The following LRRC69 variants were observed in gnomAD, a reference collection of about 807,000 sequenced individuals.
LRRC69 encodes the protein leucine-rich repeat-containing protein 69.
A neutral mutation model predicts 37.8 loss-of-function variants in LRRC69; 42 were observed. That is an observed-to-expected ratio of 1.11 (90% CI 0.87 to 1.44). The LOEUF is 1.44. Among genes scored for constraint, LRRC69 ranks in the 40% most tolerant of loss-of-function variants. The probability of loss-of-function intolerance (pLI) is 0.00; values close to 1 mark genes in which losing one functional copy is unlikely to be tolerated. For synonymous variants in LRRC69, 141 were observed against 143.1 expected (o/e 0.99, Z 0.11); for missense variants, 357 against 401.9 (o/e 0.89, Z 0.96).
chr8:91,155,870 TATATATATATACACAAC>T (rs1236563384), intron 5 of LRRC69, among the ~76,000 whole-genome samples: 1 of 132,966 alleles, frequency 7.5e-6, no homozygotes, highest in African/African-American at 2.6e-5. Context: ...TGTGTGTGTA[TATATATATATACACAAC>T]ATATATATAT....
At chr8:91,161,300 G>T (rs540573979) in intron 5 of LRRC69, among the ~76,000 whole-genome samples, 403 of 151,446 alleles carry the variant, frequency 2.7e-3, no homozygotes, top group African/African-American at 9.2e-3. Flanking sequence ...TAAGGGAAAT[G>T]CTGGCCTTGA....
chr8:91,146,536 C>A (rs1012152393), intron 5 of LRRC69, among the ~76,000 whole-genome samples: 3 of 151,418 alleles, frequency 2.0e-5, no homozygotes, highest in African/African-American at 7.3e-5. Flanking sequence ...TAGATGATTT[C>A]TCTCTCCCTT....
chr8:91,105,182 T>C (rs1354902467), intron 1 of LRRC69, among the ~76,000 whole-genome samples: 2 of 151,940 alleles, frequency 1.3e-5, no homozygotes, highest in African/African-American at 4.8e-5. Context: ...AGGCCAATGG[T>C]ATTATGTTTA....
At position 91,110,508 on chromosome 8, in the gene LRRC69, G is replaced by T. The variant is rs562035349; in HGVS notation, c.183+7664G>T. Among the ~76,000 whole-genome samples, 10 of 151,986 alleles carry T rather than the reference G, an allele frequency of 6.6e-5. No homozygotes were observed. In the South Asian group the frequency reaches 2.1e-3, roughly 32 times the overall value. On this transcript the variant is annotated intron_variant, in intron 1 of 7. Transcript: ENST00000448384. ...TACAAAATTAGCTGGGTGTGGTGAT[G>T]CATAACTGTAATCCCAGCTACTTGG... is the stretch of plus-strand genomic sequence containing the variant.
At chr8:91,158,792 C>T in intron 5 of LRRC69, 1 of 763,768 alleles carries the variant, frequency 1.3e-6, no homozygotes, top group Admixed American at 1.8e-5. Context: ...AAGAGAAAAA[C>T]CAATGATTCA....
At chr8:91,192,213 T>C (rs1376676526) in intron 6 of LRRC69, among the ~76,000 whole-genome samples, 2 of 152,156 alleles carry the variant, frequency 1.3e-5, no homozygotes, top group African/African-American at 2.4e-5. Context: ...CCATGGTGTA[T>C]ATGTGCCACA....
intron 5 of LRRC69, among the ~76,000 whole-genome samples, chr8:91,161,716 T>C (rs1260459042): frequency 2.0e-5 from 3 of 151,324 alleles, no homozygotes; most frequent in Non-Finnish European, 4.4e-5. Flanking sequence ...TTGTTTATCT[T>C]TTCAAACAAC....
At chr8:91,108,124 G>C (rs1813352100) in intron 1 of LRRC69, among the ~76,000 whole-genome samples, 1 of 151,950 alleles carries the variant, frequency 6.6e-6, no homozygotes, top group Non-Finnish European at 1.5e-5. Context: ...CAGCTGACCA[G>C]GACAAAGATA....
At chr8:91,125,892 G>A (rs1395251473) in intron 2 of LRRC69, among the ~76,000 whole-genome samples, 1 of 151,354 alleles carries the variant, frequency 6.6e-6, no homozygotes, top group African/African-American at 2.4e-5. Context: ...TTTTTTAATT[G>A]ACAGATAACA....
chr8:91,146,965 A>G (rs1808631321), intron 5 of LRRC69, among the ~76,000 whole-genome samples: 1 of 151,538 alleles, frequency 6.6e-6, no homozygotes, highest in South Asian at 2.1e-4. Context: ...ATAACAAAGT[A>G]TTACCTGGCC....
intron 6 of LRRC69, among the ~76,000 whole-genome samples, chr8:91,191,714 T>A (rs528032940): frequency 4.6e-5 from 7 of 152,294 alleles, no homozygotes; most frequent in African/African-American, 1.7e-4. Flanking sequence ...AATTAGCAGT[T>A]AACCCAATCT....
At chr8:91,210,413 C>A (rs1394266633) in intron 7 of LRRC69, among the ~76,000 whole-genome samples, 1 of 152,076 alleles carries the variant, frequency 6.6e-6, no homozygotes, top group African/African-American at 2.4e-5. Context: ...CAATAGCTAT[C>A]TTTGTATATT....
At chr8:91,133,023 A>C in intron 3 of LRRC69, 87 bp from the exon 4 acceptor site, 1 of 713,918 alleles carries the variant, frequency 1.4e-6, no homozygotes. Flanking sequence ...ATAAATTGAC[A>C]CATGGCTTCT....
chr8:91,183,834 C>G (rs1408193548), intron 5 of LRRC69, among the ~76,000 whole-genome samples: 5 of 152,148 alleles, frequency 3.3e-5, no homozygotes, highest in African/African-American at 9.7e-5. Flanking sequence ...ACTCTGCAAA[C>G]AGCACCACAG....
At chr8:91,215,085 A>G (rs1810018050) in intron 7 of LRRC69, among the ~76,000 whole-genome samples, 1 of 151,992 alleles carries the variant, frequency 6.6e-6, no homozygotes, top group African/African-American at 2.4e-5. Context: ...TTGTGATTAC[A>G]TGGCGCCCAC....
At chr8:91,114,964 A>T (rs905349117) in intron 1 of LRRC69, among the ~76,000 whole-genome samples, 3 of 152,032 alleles carry the variant, frequency 2.0e-5, no homozygotes, top group Non-Finnish European at 2.9e-5. Flanking sequence ...CAAATACTAC[A>T]TGATTTCATT....
chr8:91,111,405 G>A (rs935321555), intron 1 of LRRC69, among the ~76,000 whole-genome samples: 3 of 151,912 alleles, frequency 2.0e-5, no homozygotes, highest in African/African-American at 7.2e-5. Flanking sequence ...ACAGTGGCAG[G>A]CGCATGTAAT....
intron 5 of LRRC69, among the ~76,000 whole-genome samples, chr8:91,184,891 G>T (rs1809379997): frequency 6.6e-6 from 1 of 152,202 alleles, no homozygotes; most frequent in Non-Finnish European, 1.5e-5. Context: ...TGAGGCCAAA[G>T]AGATAGTGCA....
At chr8:91,125,020 C>T (rs1375431039) in intron 2 of LRRC69, among the ~76,000 whole-genome samples, 1 of 151,732 alleles carries the variant, frequency 6.6e-6, no homozygotes, top group Non-Finnish European at 1.5e-5. Context: ...GATCAAGATG[C>T]TAAACTTAAA....
Sources: allele counts gnomAD v4.1 joint callset (sites outside exome capture counted in the v4.1 genomes callset), GRCh38; gene constraint gnomAD v4.1.1; transcripts MANE v1.5; gene names NCBI Gene and HGNC (gene_info 2026-07-23, HGNC 2026-07-21).